The following FGF3 variants were observed in gnomAD, a reference collection of about 807,000 sequenced individuals.
FGF3 encodes the protein fibroblast growth factor 3.
A neutral mutation model predicts 9.8 loss-of-function variants in FGF3; 7 were observed. The ratio of observed to expected loss-of-function variants is 0.72; its 90% CI spans 0.41 to 1.35. FGF3 has a LOEUF of 1.35. Ranked by LOEUF, FGF3 falls within the 40% of genes most tolerant of loss-of-function variation. The probability of loss-of-function intolerance (pLI) is 0.01; values close to 1 mark genes in which losing one functional copy is unlikely to be tolerated. For missense variants in FGF3, 390 were observed against 345.6 expected, an observed-to-expected ratio of 1.13 and a Z score of -1.02; for synonymous variants, 173 against 157.2, an observed-to-expected ratio of 1.10 and a Z score of -0.75.
Position 69,810,673 on chromosome 11 carries a change from C to T in FGF3, c.352G>A (p.Val118Met), listed in dbSNP as rs1856014513. The change falls in exon 3 of 3, where the codon GTG (valine) becomes ATG (methionine). Residue 118 changes from valine (V) to methionine (M), a missense_variant. By Grantham distance (21) the Val-to-Met change is conservative (BLOSUM62 1). Transcript: ENST00000334134. ...TAGCCCAGCTCGTGGATCCGCTCCA[C>T]AAACTCGCACTCGGCGCTGTAGTGC... is the stretch of plus-strand genomic sequence containing the variant. ...SEHYSAECEFVERIHELGYNT... is the reference protein window; with the variant it reads ...SEHYSAECEFMERIHELGYNT... The T allele has an allele frequency of 1.3e-6, 2 of 1,591,960 alleles. No homozygotes were observed. Among genetic ancestry groups the T allele is most frequent in the Middle Eastern group, 3.3e-4 (2 of 5,980 alleles).
At chr11:69,811,869 C>T (rs782386475) in intron 2 of FGF3, among the ~76,000 whole-genome samples, 5 of 152,206 alleles carry the variant, frequency 3.3e-5, no homozygotes, top group Non-Finnish European at 7.3e-5. Flanking sequence ...ACCCTGCCCT[C>T]TCAAAGGCAC....
chr11:69,816,556 G>A lies in FGF3; in HGVS notation c.221-133C>T, dbSNP rs549770779. ...TAGCACACACCCCACAGGTCGGGGA[G>A]TGAGTGGAAGTTCAGGAAGGGAGAA... On this transcript the variant is annotated intron_variant, in intron 1 of 2. Transcript: ENST00000334134. The A allele has an allele frequency of 1.5e-5, 10 of 685,564 alleles. No homozygotes were observed. In the East Asian group the frequency reaches 2.7e-4, roughly 18 times the overall value. 42.5% of individuals were successfully genotyped at this position (685,564 alleles called of 1,614,324 possible). A position where few individuals can be genotyped will look rare whatever the true frequency, so the allele number is the denominator to read the frequency against.
rs1554980352 is a variant in FGF3, at chr11:69,810,575, C to T, written c.450G>A (p.Glu150=). ...CGTTCACAGACACGTACCACAGTCT[C>T]TCGGCGCTGGGCTGCCGGCGGGCCC... ...TPGARRQPSA[E]RLWYVSVNGK... Residue 150 remains glutamate, a synonymous_variant, in exon 3 of 3, where the codon GAG becomes GAA. Transcript: ENST00000334134. 6.2e-7 allele frequency: 1 copy of T among 1,612,218 alleles called. No individual in the cohort carries two copies.
Position 69,819,033 on chromosome 11 carries a change from A to T in FGF3, c.-100T>A. 1 of 723,700 alleles carries T rather than the reference A, an allele frequency of 1.4e-6. No homozygotes were observed. 44.8% of individuals were successfully genotyped at this position (723,700 alleles called of 1,614,324 possible). ...ACAGCTGCGAGGTGCTCGGAGCGGGATCCCGCGCCTGGAGATGCTGACTCC... is the reference window on the plus strand; with the variant it reads ...ACAGCTGCGAGGTGCTCGGAGCGGGTTCCCGCGCCTGGAGATGCTGACTCC... On this transcript the variant is annotated 5_prime_UTR_variant, in exon 1 of 3. Transcript: ENST00000334134.
At position 69,810,684 on chromosome 11, in the gene FGF3, T is replaced by G. The variant is rs1856014812; in HGVS notation, c.341A>C (p.Glu114Ala). Reference sequence around the variant, plus strand: ...GTGGATCCGCTCCACAAACTCGCACTCGGCGCTGTAGTGCTCCTGCGGGGA... The same window carrying G: ...GTGGATCCGCTCCACAAACTCGCACGCGGCGCTGTAGTGCTCCTGCGGGGA... ...RLYASEHYSA[E>A]CEFVERIHEL... Residue 114 changes from glutamate (E) to alanine (A), a missense_variant, in exon 3 of 3, where the codon GAG becomes GCG. Physicochemically the swap from Glu to Ala is moderately radical, Grantham distance 107. Transcript: ENST00000334134. The G allele has an allele frequency of 6.3e-7, 1 of 1,590,364 alleles. No individual in the cohort carries two copies. Among genetic ancestry groups the G allele is most frequent in the East Asian group, 2.2e-5 (1 of 44,454 alleles).
At chr11:69,812,994 A>G (rs10908229) in intron 2 of FGF3, among the ~76,000 whole-genome samples, 130,626 of 152,090 alleles carry the variant, frequency 0.86, 56,436 homozygotes, top group East Asian at 1. Context: ...CTCAGGGGCC[A>G]GGGCCATAGA....
intron 2 of FGF3, among the ~76,000 whole-genome samples, chr11:69,812,247 A>G (rs12049856): frequency 0.55 from 82,999 of 151,356 alleles, 22,955 homozygotes; most frequent in East Asian, 0.62. Flanking sequence ...TGGCAGAGAG[A>G]GAGAGTGGAA....
At chr11:69,815,666 G>A (rs1554981023) in intron 2 of FGF3, among the ~76,000 whole-genome samples, 3 of 152,162 alleles carry the variant, frequency 2.0e-5, no homozygotes, top group African/African-American at 7.2e-5. Context: ...ATTTCCCTGT[G>A]ACATGTATTT....
At position 69,819,241 on chromosome 11, in the gene FGF3, G is replaced by A. The variant is rs1856199308; in HGVS notation, c.-308C>T. On this transcript the variant is annotated 5_prime_UTR_variant, in exon 1 of 3. Coordinates refer to ENST00000334134, the MANE Select transcript of FGF3 (RefSeq NM_005247.4). ...AAGGACGGTTCGCCAACAAAAGGCC[G>A]ACGTGGTCCCCAGGCGGAGGCGCGG... Among the ~76,000 whole-genome samples, 1 of 151,954 alleles carries A rather than the reference G, an allele frequency of 6.6e-6. No homozygotes were observed. The highest frequency in any genetic ancestry group is 1.5e-5 in the Non-Finnish European group (1 of 67,958).
chr11:69,811,857 G>A (rs191821605), intron 2 of FGF3, among the ~76,000 whole-genome samples: 28 of 152,324 alleles, frequency 1.8e-4, no homozygotes, highest in Admixed American at 1.5e-3. Flanking sequence ...AGGGCAGAAG[G>A]GACCCTGCCC....
At chr11:69,814,903 C>A (rs1414025498) in intron 2 of FGF3, among the ~76,000 whole-genome samples, 3 of 152,234 alleles carry the variant, frequency 2.0e-5, no homozygotes, top group Non-Finnish European at 4.4e-5. Context: ...TTCTGTCTCT[C>A]CAAATCCTGG....
chr11:69,818,610 T>A (rs1342956805), intron 1 of FGF3, 104 bp downstream of exon 1: 15 of 829,576 alleles, frequency 1.8e-5, no homozygotes, highest in Non-Finnish European at 2.5e-5. Context: ...GCCAGACCCC[T>A]CCCCGGCGCC....
intron 2 of FGF3, among the ~76,000 whole-genome samples, chr11:69,812,560 A>G (rs917443733): frequency 2.0e-5 from 3 of 152,112 alleles, no homozygotes; most frequent in Non-Finnish European, 2.9e-5. Flanking sequence ...CAGGCCCTAC[A>G]TTACAGGGGA....
chr11:69,814,346 T>G (rs1003164393), intron 2 of FGF3, among the ~76,000 whole-genome samples: 9 of 151,870 alleles, frequency 5.9e-5, no homozygotes, highest in African/African-American at 1.7e-4. Flanking sequence ...GGGTCTACCA[T>G]GACTCCCAGC....
intron 1 of FGF3, among the ~76,000 whole-genome samples, chr11:69,817,003 C>T (rs782568067): frequency 5.3e-5 from 8 of 152,186 alleles, no homozygotes; most frequent in Non-Finnish European, 1.0e-4. Flanking sequence ...TCATTGTACT[C>T]GCCGGGGGAC....
chr11:69,813,800 A>ATGGATGGATGGATGGATGGATGGG (rs1565115008), intron 2 of FGF3, among the ~76,000 whole-genome samples: 2 of 118,262 alleles, frequency 1.7e-5, no homozygotes, highest in African/African-American at 7.1e-5. Flanking sequence ...GGATGGATGG[A>ATGGATGGATGGATGGATGGATGGG]TGGATGGGTG....
At chr11:69,817,469 C>G (rs1271998033) in intron 1 of FGF3, 1 of 152,364 alleles carries the variant, frequency 6.6e-6, no homozygotes, top group Non-Finnish European at 1.5e-5. Flanking sequence ...CCTCCCCTCC[C>G]CGTGAGCAGC....
chr11:69,818,789 A>G lies in FGF3; in HGVS notation c.145T>C (p.Tyr49His). ...LGGAPRRRKL[Y>H]CATKYHLQLH... ...TGGAGGTGGTACTTCGTGGCGCAGT[A>G]GAGCTTGCGGCGCCGGGGCGCCCCG... Residue 49 changes from tyrosine (Y) to histidine (H), a missense_variant, in exon 1 of 3, where the codon TAC becomes CAC. By Grantham distance (83) the Tyr-to-His change is moderately conservative. Coordinates refer to ENST00000334134, the MANE Select transcript of FGF3 (RefSeq NM_005247.4). 1 of 1,495,276 alleles carries G rather than the reference A, an allele frequency of 6.7e-7. No homozygotes were observed. Among genetic ancestry groups the G allele is most frequent in the Non-Finnish European group, 8.9e-7 (1 of 1,129,192 alleles). The allele number at this position is 1,495,276 out of a possible 1,614,324, so 92.6% of individuals were successfully genotyped here.
At chr11:69,818,441 G>A (rs1190805493) in intron 1 of FGF3, among the ~76,000 whole-genome samples, 7 of 152,100 alleles carry the variant, frequency 4.6e-5, no homozygotes, top group African/African-American at 1.7e-4. Flanking sequence ...CGCCCTCTTC[G>A]GACGTGAACG....
Sources: gnomAD v4.1 joint callset for allele counts (sites outside exome capture counted in the v4.1 genomes callset) on GRCh38, gnomAD v4.1.1 for gene constraint, MANE v1.5 for transcripts, NCBI Gene and HGNC (gene_info 2026-07-23, HGNC 2026-07-21) for gene names.